Variants in ELMO1 observed in about 807,000 individuals in gnomAD.
The protein encoded by ELMO1 is engulfment and cell motility protein 1.
In ELMO1, 26 loss-of-function variants were observed where a neutral mutation model predicts 98.9. The ratio of observed to expected loss-of-function variants is 0.26; its 90% CI spans 0.19 to 0.36. The LOEUF is 0.36. Ranked by LOEUF, ELMO1 falls within the 10% of genes least tolerant of loss-of-function variation. The probability of loss-of-function intolerance (pLI) is 1.00; values close to 1 mark genes in which losing one functional copy is unlikely to be tolerated. For synonymous variants in ELMO1, 346 were observed against 346.0 expected, an observed-to-expected ratio of 1.00 and a Z score of 0.00; for missense variants, 627 against 935.2, an observed-to-expected ratio of 0.67 and a Z score of 4.30.
chr7:37,284,751 G>T (rs1797306783), intron 4 of ELMO1, among the ~76,000 whole-genome samples: 1 of 148,500 alleles, frequency 6.7e-6, no homozygotes, highest in Admixed American at 6.8e-5. Flanking sequence ...TTTTATGAAA[G>T]ATGTTTACTG....
At chr7:36,963,747 T>C (rs1163984543) in intron 16 of ELMO1, among the ~76,000 whole-genome samples, 1 of 152,244 alleles carries the variant, frequency 6.6e-6, no homozygotes, top group African/African-American at 2.4e-5. Flanking sequence ...CAGTTAGTTA[T>C]GCAGAACACC....
intron 8 of ELMO1, among the ~76,000 whole-genome samples, chr7:37,229,139 G>C (rs1191697164): frequency 6.6e-6 from 1 of 152,144 alleles, no homozygotes; most frequent in Non-Finnish European, 1.5e-5. Context: ...TGGGATGTTT[G>C]TCCAGGCACT....
chr7:37,087,152 C>T (rs1314076299), intron 15 of ELMO1, among the ~76,000 whole-genome samples: 2 of 152,056 alleles, frequency 1.3e-5, no homozygotes, highest in African/African-American at 4.8e-5. Flanking sequence ...TATGGAACAT[C>T]TACTAAGTTT....
chr7:37,133,880 T>C (rs1787089234), intron 13 of ELMO1, among the ~76,000 whole-genome samples: 1 of 152,096 alleles, frequency 6.6e-6, no homozygotes, highest in Admixed American at 6.6e-5. Context: ...CCCCAAAGAT[T>C]AAATAATAGC....
At chr7:37,207,419 G>A (rs1483823119) in intron 13 of ELMO1, among the ~76,000 whole-genome samples, 1 of 151,918 alleles carries the variant, frequency 6.6e-6, no homozygotes, top group Non-Finnish European at 1.5e-5. Context: ...GGGTGTGGTG[G>A]CGCACTCCTG....
At chr7:37,354,745 A>C (rs1403264930) in intron 1 of ELMO1, among the ~76,000 whole-genome samples, 1 of 152,222 alleles carries the variant, frequency 6.6e-6, no homozygotes, top group African/African-American at 2.4e-5. Context: ...TGGAGGAGGC[A>C]AGGCTCGAGC....
intron 15 of ELMO1, among the ~76,000 whole-genome samples, chr7:37,040,905 C>T (rs928209966): frequency 2.4e-4 from 37 of 151,792 alleles, no homozygotes; most frequent in African/African-American, 8.5e-4. Flanking sequence ...GGCAAAACCC[C>T]GTCTCTACTA....
intron 18 of ELMO1, among the ~76,000 whole-genome samples, chr7:36,883,991 T>G (rs549717571): frequency 3.3e-5 from 5 of 152,068 alleles, no homozygotes; most frequent in Non-Finnish European, 7.4e-5. Flanking sequence ...GATGCAGGTG[T>G]GTGGGCTCCC....
At chr7:37,285,665 G>A (rs921220011) in intron 4 of ELMO1, among the ~76,000 whole-genome samples, 49 of 152,140 alleles carry the variant, frequency 3.2e-4, no homozygotes, top group Admixed American at 1.6e-3. Context: ...GCCATCACTT[G>A]CAACCTGCAA....
chr7:37,282,205 C>T (rs1797175410), intron 4 of ELMO1, among the ~76,000 whole-genome samples: 1 of 152,182 alleles, frequency 6.6e-6, no homozygotes, highest in African/African-American at 2.4e-5. Flanking sequence ...ACAGGAGGTC[C>T]ACAGGGAGGA....
intron 13 of ELMO1, among the ~76,000 whole-genome samples, chr7:37,139,372 G>A (rs1165586045): frequency 6.6e-6 from 1 of 152,140 alleles, no homozygotes; most frequent in Non-Finnish European, 1.5e-5. Flanking sequence ...ATTCAGTAAA[G>A]TTTTAGGATA....
At chr7:37,381,564 A>G (rs1466071934) in intron 1 of ELMO1, among the ~76,000 whole-genome samples, 1 of 152,224 alleles carries the variant, frequency 6.6e-6, no homozygotes, top group Non-Finnish European at 1.5e-5. Flanking sequence ...TACAATAACA[A>G]TGGGTGGTTT....
At chr7:37,166,193 A>C (rs1789676141) in intron 13 of ELMO1, among the ~76,000 whole-genome samples, 1 of 152,062 alleles carries the variant, frequency 6.6e-6, no homozygotes, top group Non-Finnish European at 1.5e-5. Flanking sequence ...TATCCCCTTT[A>C]TCATTTTTTA....
intron 18 of ELMO1, 131 bp from the exon 19 acceptor site, chr7:36,878,248 A>C: frequency 1.5e-6 from 1 of 670,934 alleles, no homozygotes; most frequent in Non-Finnish European, 2.6e-6. Flanking sequence ...AGGAAGAATG[A>C]ATTCTAGGGC....
chr7:37,433,633 G>C (rs897436854), intron 1 of ELMO1, among the ~76,000 whole-genome samples: 1 of 152,086 alleles, frequency 6.6e-6, no homozygotes, highest in Non-Finnish European at 1.5e-5. Flanking sequence ...ACTTGTAAGG[G>C]AAGAAACATG....
intron 16 of ELMO1, among the ~76,000 whole-genome samples, chr7:36,912,620 C>A (rs569260773): frequency 3.3e-5 from 5 of 152,168 alleles, no homozygotes; most frequent in Non-Finnish European, 7.4e-5. Flanking sequence ...TCAATGAAGT[C>A]GAGAGAAAAC....
At chr7:37,259,389 GA>G in intron 5 of ELMO1, 39 bp from the exon 6 acceptor site, 1 of 1,594,860 alleles carries the variant, frequency 6.3e-7, no homozygotes, top group Non-Finnish European at 8.6e-7. Context: ...GTTGACAAAC[GA>G]AACCACAACA....
At chr7:36,928,454 C>T (rs1785757206) in intron 16 of ELMO1, among the ~76,000 whole-genome samples, 1 of 152,184 alleles carries the variant, frequency 6.6e-6, no homozygotes, top group Non-Finnish European at 1.5e-5. Context: ...CAGTGACACA[C>T]AAATGGCATT....
chr7:36,916,883 T>C (rs984798078), intron 16 of ELMO1, among the ~76,000 whole-genome samples: 2 of 152,218 alleles, frequency 1.3e-5, no homozygotes, highest in Non-Finnish European at 2.9e-5. Flanking sequence ...TGGTTTACAG[T>C]GTTATTGGAG....
Sources: allele counts gnomAD v4.1 joint callset (sites outside exome capture counted in the v4.1 genomes callset), GRCh38; gene constraint gnomAD v4.1.1; transcripts MANE v1.5; gene names NCBI Gene and HGNC (gene_info 2026-07-23, HGNC 2026-07-21).